The following EML4 variants were observed in gnomAD, a reference collection of about 807,000 sequenced individuals.
EML4 encodes the protein echinoderm microtubule-associated protein-like 4.
In EML4, 72 loss-of-function variants were observed where a neutral mutation model predicts 129.0. The ratio of observed to expected loss-of-function variants is 0.56; its 90% confidence interval spans 0.46 to 0.68. The LOEUF is 0.68. Among genes scored for constraint, EML4 ranks in the 30% least tolerant of loss-of-function variants. The pLI is 0.00. For missense variants in EML4, 1,363 were observed against 1,190.6 expected, an observed-to-expected ratio of 1.14 and a Z score of -2.13; for synonymous variants, 532 against 405.0, an observed-to-expected ratio of 1.31 and a Z score of -3.77.
chr2:42,267,606 G>A (rs772907731), intron 6 of EML4, among the ~76,000 whole-genome samples: 30 of 152,322 alleles, frequency 2.0e-4, no homozygotes, highest in Admixed American at 3.9e-4. Flanking sequence ...CAGAGTAGGA[G>A]AAAAGCTAGA....
chr2:42,171,212 T>C (rs1329807202), intron 1 of EML4, among the ~76,000 whole-genome samples: 1 of 152,240 alleles, frequency 6.6e-6, no homozygotes, highest in East Asian at 1.9e-4. Context: ...ACCGAAAAAC[T>C]TGTCCTATAT....
intron 1 of EML4, among the ~76,000 whole-genome samples, chr2:42,182,297 A>G (rs571357971): frequency 2.1e-3 from 288 of 136,520 alleles, no homozygotes; most frequent in African/African-American, 7.0e-3. Context: ...TCCCAGTGCT[A>G]TCCCTCCCCC....
chr2:42,285,586 C>CTTTTTTTTTTTTT (rs70963307), intron 9 of EML4, among the ~76,000 whole-genome samples: 2 of 145,926 alleles, frequency 1.4e-5, no homozygotes, highest in African/African-American at 5.1e-5. Context: ...CTGACTCCAC[C>CTTTTTTTTTTTTT]TTTTTTTTTT....
chr2:42,244,065 GT>G (rs201319599), intron 1 of EML4, among the ~76,000 whole-genome samples: 14 of 143,706 alleles, frequency 9.7e-5, no homozygotes, highest in South Asian at 9.0e-4. Flanking sequence ...AGCAATTAAT[GT>G]TTTTTTTGTT....
At chr2:42,286,139 G>A (rs1026834823) in intron 9 of EML4, 130 bp from the exon 10 acceptor site, 39 of 708,604 alleles carry the variant, frequency 5.5e-5, no homozygotes, top group Admixed American at 1.2e-4. Context: ...TTGGAGGCAT[G>A]TCTAAATCTA....
At chr2:42,300,647 C>G (rs1048050856) in intron 13 of EML4, among the ~76,000 whole-genome samples, 1 of 152,158 alleles carries the variant, frequency 6.6e-6, no homozygotes, top group Non-Finnish European at 1.5e-5. Flanking sequence ...CATATCTCAG[C>G]AAATAAAGGG....
intron 8 of EML4, among the ~76,000 whole-genome samples, chr2:42,283,607 C>T (rs1472847611): frequency 1.3e-5 from 2 of 151,980 alleles, no homozygotes; most frequent in African/African-American, 4.8e-5. Context: ...GCTTTTATGT[C>T]TGTACTATGC....
Position 42,181,219 on chromosome 2 carries a change from T to C in EML4, c.25+11583T>C, listed in dbSNP as rs1670919038. ...TTTTGTAAAATGTGCTTTGAAACTA[T>C]GTAAATATTCAGTTCTTCATCAGAC... is the stretch of plus-strand genomic sequence containing the variant. On this transcript the variant is annotated intron_variant, in intron 1 of 22. Coordinates refer to ENST00000318522, the MANE Select transcript of EML4 (RefSeq NM_019063.5). Among the ~76,000 whole-genome samples, 3 of 152,352 alleles carry C rather than the reference T, an allele frequency of 2.0e-5. No homozygotes were observed. In the South Asian group the frequency reaches 6.2e-4, roughly 32 times the overall value.
intron 17 of EML4, among the ~76,000 whole-genome samples, chr2:42,315,280 A>G (rs1184584773): frequency 2.0e-5 from 3 of 152,112 alleles, no homozygotes; most frequent in Non-Finnish European, 4.4e-5. Flanking sequence ...ATATTGCGTC[A>G]CCATCACTGA....
chr2:42,243,238 C>T (rs545153588), intron 1 of EML4, among the ~76,000 whole-genome samples: 1 of 152,072 alleles, frequency 6.6e-6, no homozygotes, highest in Non-Finnish European at 1.5e-5. Context: ...AGTGGCTATT[C>T]TTCCTGTGAG....
At chr2:42,270,793 A>G (rs1666320690) in intron 6 of EML4, among the ~76,000 whole-genome samples, 1 of 152,220 alleles carries the variant, frequency 6.6e-6, no homozygotes, top group Admixed American at 6.5e-5. Context: ...AAACTTGGCA[A>G]TTCCCGAATT....
At position 42,332,295 on chromosome 2, in the gene EML4, C is replaced by A; in HGVS notation, c.*2088C>A. 1 of 213,510 alleles carries A rather than the reference C, an allele frequency of 4.7e-6. No homozygotes were observed. Among genetic ancestry groups the A allele is most frequent in the East Asian group, 7.0e-5 (1 of 14,328 alleles). 13.2% of individuals were successfully genotyped at this position (213,510 alleles called of 1,614,324 possible). On this transcript the variant is annotated 3_prime_UTR_variant, in exon 23 of 23. Transcript: ENST00000318522. ...TCTTCGGTGGTAGTTTCAAAAGACA[C>A]TACTAATACGCAGGAAGCGTTCCAG...
intron 1 of EML4, among the ~76,000 whole-genome samples, chr2:42,201,911 A>G (rs1336593179): frequency 6.6e-6 from 1 of 152,110 alleles, no homozygotes; most frequent in East Asian, 1.9e-4. Context: ...GTGAAACCCC[A>G]TCTCTACTAA....
chr2:42,197,110 C>T (rs1480427775), intron 1 of EML4, among the ~76,000 whole-genome samples: 1 of 152,136 alleles, frequency 6.6e-6, no homozygotes. Context: ...CACTCTGTCA[C>T]CCAGGCTGAA....
rs369220234 is a variant in EML4 at position 42,288,234 on chromosome 2, G to A, written c.1130G>A (p.Gly377Asp). ...TGATTGACTTTTCTTTAGGATTCAG[G>A]TGTTCATTTATGTATTATTGATGAC... ...GCLDFSKADSGVHLCIIDDSN... is the reference protein window; with the variant it reads ...GCLDFSKADSDVHLCIIDDSN... The change falls in exon 11 of 23, where the codon GGT becomes GAT. Residue 377 changes from glycine (G) to aspartate (D), a missense_variant. Coordinates refer to ENST00000318522, the MANE Select transcript of EML4 (RefSeq NM_019063.5). 2.8e-6 allele frequency: 4 copies of A among 1,407,938 alleles called. No individual in the cohort carries two copies. The East Asian group carries it at 7.3e-5, about 26-fold the overall frequency. The allele number at this position is 1,407,938 out of a possible 1,614,324, so 87.2% of individuals were successfully genotyped here.
At chr2:42,285,037 T>G (rs1372407671) in intron 9 of EML4, among the ~76,000 whole-genome samples, 1 of 151,322 alleles carries the variant, frequency 6.6e-6, no homozygotes, top group Non-Finnish European at 1.5e-5. Flanking sequence ...TTTCCCTTAG[T>G]TGATGAACCT....
rs139274651 is a variant in EML4, at chr2:42,327,696, G to T, written c.2342-1190G>T. 2.0e-5 allele frequency among the ~76,000 whole-genome samples: 3 copies of T among 152,278 alleles called. No homozygotes were observed. In the East Asian group the frequency reaches 5.8e-4, roughly 29 times the overall value. On this transcript the variant is annotated intron_variant, in intron 21 of 22. Coordinates refer to ENST00000318522, the MANE Select transcript of EML4 (RefSeq NM_019063.5). ...TCAGTATTTAGGTATCCTTCTGAAA[G>T]GGTTAGAAGATAGATGGAAAAGTTA...
chr2:42,184,115 CAAAG>C (rs138082704), intron 1 of EML4, among the ~76,000 whole-genome samples: 12 of 152,226 alleles, frequency 7.9e-5, no homozygotes, highest in African/African-American at 2.6e-4. Context: ...GTCACAGCAA[CAAAG>C]AAAGAGTTGT....
chr2:42,254,622 T>C (rs1368940069), intron 2 of EML4, among the ~76,000 whole-genome samples: 1 of 151,996 alleles, frequency 6.6e-6, no homozygotes, highest in Admixed American at 6.5e-5. Context: ...CTTGAGTTTT[T>C]TTTTTTTTTT....
Sources: allele counts gnomAD v4.1 joint callset (sites outside exome capture counted in the v4.1 genomes callset), GRCh38; gene constraint gnomAD v4.1.1; transcripts MANE v1.5; gene names NCBI Gene and HGNC (gene_info 2026-07-23, HGNC 2026-07-21).